The following PTPRD variants were observed in gnomAD, a reference collection of about 807,000 sequenced individuals.
PTPRD encodes receptor-type tyrosine-protein phosphatase delta.
PTPRD carries 34 observed loss-of-function variants against 214.5 expected under a neutral mutation model. The observed-to-expected ratio is 0.16, with a 90% CI of 0.12 to 0.21. The LOEUF (loss-of-function observed/expected upper bound fraction) is 0.21, where lower values mean the gene tolerates loss of function less well. Ranked by LOEUF, PTPRD falls within the 10% of genes least tolerant of loss-of-function variation. PTPRD has a pLI of 1.00. For missense variants in PTPRD, 2,545 were observed against 2,398.7 expected (o/e 1.06, Z -1.27); for synonymous variants, 1,128 against 845.7 (o/e 1.33, Z -5.79).
intron 8 of PTPRD, among the ~76,000 whole-genome samples, chr9:9,569,780 T>G (rs1269880489): frequency 1.3e-5 from 2 of 151,482 alleles, no homozygotes; most frequent in Non-Finnish European, 1.5e-5. Context: ...GTAAATCATA[T>G]AGAGTAAGTA....
chr9:8,883,879 G>A (rs1420291753), intron 11 of PTPRD, among the ~76,000 whole-genome samples: 1 of 152,044 alleles, frequency 6.6e-6, no homozygotes, highest in Non-Finnish European at 1.5e-5. Context: ...AAAATATCTG[G>A]GGATATACAT....
chr9:8,512,272 A>G (rs1213691826), intron 21 of PTPRD, among the ~76,000 whole-genome samples: 1 of 152,128 alleles, frequency 6.6e-6, no homozygotes, highest in Non-Finnish European at 1.5e-5. Context: ...TGCCACAAAT[A>G]TATCATTGAC....
intron 4 of PTPRD, among the ~76,000 whole-genome samples, chr9:9,957,746 G>C (rs893942688): frequency 2.0e-5 from 3 of 152,020 alleles, no homozygotes; most frequent in Non-Finnish European, 2.9e-5. Context: ...CAATACTAAA[G>C]AATAAAGTTG....
chr9:8,894,890 C>A (rs1244152505), intron 11 of PTPRD, among the ~76,000 whole-genome samples: 1 of 152,064 alleles, frequency 6.6e-6, no homozygotes, highest in Non-Finnish European at 1.5e-5. Context: ...TGGCACCAAT[C>A]AACAGAGAGA....
intron 2 of PTPRD, among the ~76,000 whole-genome samples, chr9:10,459,156 C>T (rs2098939444): frequency 1.3e-5 from 2 of 152,128 alleles, no homozygotes; most frequent in South Asian, 4.1e-4. Context: ...GTGTTCGGTT[C>T]TCTGTCCTTG....
chr9:9,581,534 T>C (rs1222610675), intron 7 of PTPRD, among the ~76,000 whole-genome samples: 3 of 152,156 alleles, frequency 2.0e-5, no homozygotes, highest in Non-Finnish European at 4.4e-5. Context: ...GGAAAAAATG[T>C]AGACTGTTTC....
At chr9:10,203,151 T>C (rs1250418145) in intron 3 of PTPRD, among the ~76,000 whole-genome samples, 1 of 151,386 alleles carries the variant, frequency 6.6e-6, no homozygotes, top group East Asian at 1.9e-4. Flanking sequence ...TCCTGTTTAC[T>C]GTCTTCTCCC....
chr9:10,037,624 T>G (rs1005028719), intron 3 of PTPRD, among the ~76,000 whole-genome samples: 3 of 150,618 alleles, frequency 2.0e-5, no homozygotes, highest in Non-Finnish European at 4.4e-5. Flanking sequence ...AACTGACACA[T>G]TCACTTTACA....
At chr9:9,004,344 C>A (rs910033323) in intron 11 of PTPRD, among the ~76,000 whole-genome samples, 1 of 151,902 alleles carries the variant, frequency 6.6e-6, no homozygotes, top group South Asian at 2.1e-4. Context: ...AAACCTCATA[C>A]CCTTATTCTC....
At chr9:9,346,664 C>T (rs894078840) in intron 9 of PTPRD, among the ~76,000 whole-genome samples, 1 of 151,942 alleles carries the variant, frequency 6.6e-6, no homozygotes, top group African/African-American at 2.4e-5. Context: ...TTTATTTGTA[C>T]TATTCTATTA....
chr9:10,542,856 T>A (rs1235348500), intron 2 of PTPRD, among the ~76,000 whole-genome samples: 1 of 152,126 alleles, frequency 6.6e-6, no homozygotes, highest in African/African-American at 2.4e-5. Flanking sequence ...GTAGCTGGGA[T>A]TACAGACATG....
intron 4 of PTPRD, among the ~76,000 whole-genome samples, chr9:9,990,222 C>G (rs1018902611): frequency 1.3e-5 from 2 of 152,168 alleles, no homozygotes; most frequent in Non-Finnish European, 2.9e-5. Flanking sequence ...TGGCCAAGGT[C>G]CTCAGGTTTT....
At chr9:9,051,560 A>G (rs1193033054) in intron 10 of PTPRD, among the ~76,000 whole-genome samples, 1 of 152,196 alleles carries the variant, frequency 6.6e-6, no homozygotes, top group Non-Finnish European at 1.5e-5. Flanking sequence ...CCAGAAATCA[A>G]CAGCAATTTC....
At chr9:10,083,913 C>A (rs923647485) in intron 3 of PTPRD, among the ~76,000 whole-genome samples, 10 of 152,112 alleles carry the variant, frequency 6.6e-5, no homozygotes, top group Admixed American at 5.2e-4. Flanking sequence ...TCCTAACAGA[C>A]CAGTCCCTGT....
intron 4 of PTPRD, among the ~76,000 whole-genome samples, chr9:10,030,786 A>G (rs913178336): frequency 1.3e-5 from 2 of 152,186 alleles, no homozygotes; most frequent in Non-Finnish European, 2.9e-5. Flanking sequence ...GATACAAACC[A>G]GGTAATTTGT....
chr9:10,458,490 C>T (rs1330540160), intron 2 of PTPRD, among the ~76,000 whole-genome samples: 1 of 152,124 alleles, frequency 6.6e-6, no homozygotes, highest in Admixed American at 6.6e-5. Context: ...CAAAATTCAA[C>T]GTTCTTTCTT....
intron 9 of PTPRD, among the ~76,000 whole-genome samples, chr9:9,198,249 AACAC>A (rs772076438): frequency 2.6e-5 from 4 of 152,110 alleles, no homozygotes; most frequent in Non-Finnish European, 5.9e-5. Flanking sequence ...TTAGGCTATA[AACAC>A]ACACGTGCAA....
intron 2 of PTPRD, among the ~76,000 whole-genome samples, chr9:10,568,455 G>A (rs1317988093): frequency 6.6e-6 from 1 of 152,050 alleles, no homozygotes; most frequent in Non-Finnish European, 1.5e-5. Flanking sequence ...ATAGCAGCAT[G>A]ATTTATAATC....
At chr9:8,644,064 G>T (rs567807954) in intron 12 of PTPRD, among the ~76,000 whole-genome samples, 2 of 152,146 alleles carry the variant, frequency 1.3e-5, no homozygotes, top group South Asian at 4.1e-4. Flanking sequence ...AAAGTTCCAG[G>T]CTCAGCCAAA....
Sources: allele counts gnomAD v4.1 joint callset (sites outside exome capture counted in the v4.1 genomes callset), GRCh38; gene constraint gnomAD v4.1.1; transcripts MANE v1.5; gene names NCBI Gene and HGNC (gene_info 2026-07-23, HGNC 2026-07-21).